Variants in CPQ observed in about 807,000 individuals in gnomAD.
CPQ encodes Ser-Met dipeptidase.
Under a neutral mutation model 45.7 loss-of-function variants are expected in CPQ, and 37 were observed. That is an observed-to-expected ratio of 0.81 (90% CI 0.62 to 1.07). The LOEUF is 1.07. Among genes scored for constraint, CPQ ranks in the 50% least tolerant of loss-of-function variants. The probability of loss-of-function intolerance (pLI) is 0.00; values close to 1 mark genes in which losing one functional copy is unlikely to be tolerated. For missense variants in CPQ, 537 were observed against 572.9 expected, an observed-to-expected ratio of 0.94 and a Z score of 0.64; for synonymous variants, 186 against 205.8, an observed-to-expected ratio of 0.90 and a Z score of 0.82.
In CPQ at chr8:96,850,152, T is replaced by G. The variant is rs564676578; in HGVS notation, c.641+14972T>G. ...CTCCCCAAATGCTACGTAATAGTGG[T>G]TTTTTGCTCATTTTGATAGGGCTTT... On this transcript the variant is annotated intron_variant, in intron 3 of 7. Coordinates refer to ENST00000220763, the MANE Select transcript of CPQ (RefSeq NM_016134.4). Among the ~76,000 whole-genome samples the G allele has an allele frequency of 4.2e-4, 64 of 152,244 alleles. 1 individual carries two copies. In the South Asian group the frequency reaches 5.2e-3, roughly 12 times the overall value.
At chr8:96,648,889 G>A (rs907816962) in intron 1 of CPQ, among the ~76,000 whole-genome samples, 2 of 152,236 alleles carry the variant, frequency 1.3e-5, no homozygotes, top group African/African-American at 2.4e-5. Context: ...GTGGTAGGGA[G>A]GTGTGGTAAG....
intron 5 of CPQ, among the ~76,000 whole-genome samples, chr8:97,001,721 C>CTTTTTTTTTTT (rs61282246): frequency 1.9e-3 from 176 of 92,070 alleles, no homozygotes; most frequent in African/African-American, 2.9e-3. Context: ...TTCTTTCTTT[C>CTTTTTTTTTTT]TTTTTTTTTT....
chr8:96,916,490 T>A (rs904251516), intron 4 of CPQ, among the ~76,000 whole-genome samples: 2 of 152,172 alleles, frequency 1.3e-5, no homozygotes, highest in African/African-American at 4.8e-5. Context: ...AATGATTTTT[T>A]AAAAATTTTA....
At chr8:96,916,012 A>G (rs1812728069) in intron 4 of CPQ, among the ~76,000 whole-genome samples, 1 of 152,158 alleles carries the variant, frequency 6.6e-6, no homozygotes, top group Non-Finnish European at 1.5e-5. Context: ...CCCTGTAAGA[A>G]TGGAAAAGAG....
At chr8:96,791,596 G>T (rs1343576578) in intron 2 of CPQ, among the ~76,000 whole-genome samples, 1 of 152,068 alleles carries the variant, frequency 6.6e-6, no homozygotes, top group Non-Finnish European at 1.5e-5. Flanking sequence ...CGTTCCATGG[G>T]GCTCAAAGTA....
intron 5 of CPQ, among the ~76,000 whole-genome samples, chr8:96,998,086 T>C (rs1308045818): frequency 3.3e-5 from 5 of 151,936 alleles, no homozygotes; most frequent in African/African-American, 7.2e-5. Context: ...GCAACCTGAG[T>C]TGATAGCTAT....
intron 7 of CPQ, among the ~76,000 whole-genome samples, chr8:97,121,619 A>G (rs556065525): frequency 6.6e-6 from 1 of 152,306 alleles, no homozygotes; most frequent in East Asian, 1.9e-4. Context: ...CTATCATTCA[A>G]TCAAAAATTA....
chr8:96,777,306 T>C (rs1292050254), intron 1 of CPQ, among the ~76,000 whole-genome samples: 1 of 152,094 alleles, frequency 6.6e-6, no homozygotes, highest in African/African-American at 2.4e-5. Flanking sequence ...AAGGTTTGCC[T>C]GAAAACATCT....
At chr8:96,877,851 A>G (rs752106336) in intron 3 of CPQ, among the ~76,000 whole-genome samples, 7 of 152,220 alleles carry the variant, frequency 4.6e-5, no homozygotes, top group Non-Finnish European at 1.0e-4. Context: ...GGAATAGATT[A>G]TATGCATCCC....
At position 96,868,934 on chromosome 8, in the gene CPQ, GAATA is replaced by G. The variant is rs530860385; in HGVS notation, c.642-10858_642-10855del. Among the ~76,000 whole-genome samples, 342 of 151,804 alleles carry G rather than the reference GAATA, an allele frequency of 2.3e-3. 2 individuals carry two copies. The highest frequency in any genetic ancestry group is 7.7e-3 in the African/African-American group (320 of 41,406). On this transcript the variant is annotated intron_variant, in intron 3 of 7. Transcript: ENST00000220763. The stretch of plus-strand genomic sequence containing the variant: ...CTGCAATTTTTTTGAAATTCTGTTG[GAATA>G]AATAATTTTTAGAGCATTTTAAAAC...
chr8:96,744,074 C>A (rs1367799596), intron 1 of CPQ, among the ~76,000 whole-genome samples: 1 of 152,260 alleles, frequency 6.6e-6, no homozygotes, highest in Non-Finnish European at 1.5e-5. Context: ...CCTCCCCCAG[C>A]CTCACTGCCA....
At chr8:96,793,252 A>G (rs1174755089) in intron 2 of CPQ, among the ~76,000 whole-genome samples, 1 of 152,206 alleles carries the variant, frequency 6.6e-6, no homozygotes, top group African/African-American at 2.4e-5. Flanking sequence ...CGCTGCTTAT[A>G]AAGACATACC....
intron 6 of CPQ, among the ~76,000 whole-genome samples, chr8:97,045,169 A>C (rs1586512295): frequency 6.6e-6 from 1 of 151,912 alleles, no homozygotes; most frequent in Admixed American, 6.6e-5. Context: ...TGCTTTTTTT[A>C]CCTAAGCAAG....
intron 7 of CPQ, among the ~76,000 whole-genome samples, chr8:97,138,089 C>G (rs1173824627): frequency 6.6e-6 from 1 of 152,176 alleles, no homozygotes; most frequent in Admixed American, 6.5e-5. Flanking sequence ...AGGTGCATCT[C>G]TAGTCACCCC....
intron 6 of CPQ, among the ~76,000 whole-genome samples, chr8:97,037,576 G>T (rs757720583): frequency 2.0e-5 from 3 of 152,148 alleles, no homozygotes; most frequent in Non-Finnish European, 4.4e-5. Context: ...CACAAAACTG[G>T]TTTAAATTTC....
chr8:96,952,642 C>T (rs575780096), intron 4 of CPQ, among the ~76,000 whole-genome samples: 2 of 152,042 alleles, frequency 1.3e-5, no homozygotes, highest in East Asian at 1.9e-4. Flanking sequence ...AATCTTTAGC[C>T]TGCAAATAGA....
chr8:97,109,007 G>T (rs1000700107), intron 7 of CPQ, among the ~76,000 whole-genome samples: 1 of 152,172 alleles, frequency 6.6e-6, no homozygotes, highest in Non-Finnish European at 1.5e-5. Context: ...AGCATTCAGA[G>T]ATGCTCTCCT....
chr8:96,915,826 T>C (rs1812725715), intron 4 of CPQ, among the ~76,000 whole-genome samples: 1 of 152,150 alleles, frequency 6.6e-6, no homozygotes, highest in Admixed American at 6.6e-5. Context: ...CTGCCTCCTC[T>C]TTTTCTGGAA....
chr8:97,079,618 C>A (rs992604681), intron 7 of CPQ, among the ~76,000 whole-genome samples: 3 of 152,118 alleles, frequency 2.0e-5, no homozygotes, highest in African/African-American at 7.2e-5. Flanking sequence ...GATGCAGTCC[C>A]TGTCCTTAAG....
Sources: allele counts gnomAD v4.1 joint callset (sites outside exome capture counted in the v4.1 genomes callset), GRCh38; gene constraint gnomAD v4.1.1; transcripts MANE v1.5; gene names NCBI Gene and HGNC (gene_info 2026-07-23, HGNC 2026-07-21).